The following WDR27 variants were observed in gnomAD, a reference collection of about 807,000 sequenced individuals.
WDR27 encodes WD repeat domain 27.
WDR27 carries 100 observed loss-of-function variants against 114.4 expected under a neutral mutation model. The ratio of observed to expected loss-of-function variants is 0.87; its 90% CI spans 0.74 to 1.03. WDR27 has a LOEUF of 1.03. Ranked by LOEUF, WDR27 falls within the 50% of genes least tolerant of loss-of-function variation. WDR27 has a pLI of 0.00. For missense variants in WDR27, 1,129 were observed against 1,092.9 expected (o/e 1.03, Z -0.47); for synonymous variants, 449 against 423.1 (o/e 1.06, Z -0.75).
chr6:169,645,749 T>TCACAGGGTCA (rs1452486433), intron 16 of WDR27, among the ~76,000 whole-genome samples: 1 of 148,900 alleles, frequency 6.7e-6, no homozygotes, highest in Non-Finnish European at 1.5e-5. Context: ...AAAGCCTAGT[T>TCACAGGGTCA]CACAGGGTCA....
intron 2 of WDR27, among the ~76,000 whole-genome samples, chr6:169,679,456 A>C (rs979170200): frequency 2.0e-5 from 3 of 152,218 alleles, no homozygotes; most frequent in Non-Finnish European, 4.4e-5. Flanking sequence ...GTCCCCTGCA[A>C]ATCTCATGTG....
intron 21 of WDR27, among the ~76,000 whole-genome samples, chr6:169,626,687 A>G (rs1814938753): frequency 6.6e-6 from 1 of 152,154 alleles, no homozygotes; most frequent in South Asian, 2.1e-4. Flanking sequence ...ATACACTCAC[A>G]CCACGTCCGT....
At chr6:169,699,196 G>A (rs541740931) in intron 1 of WDR27, among the ~76,000 whole-genome samples, 29 of 152,276 alleles carry the variant, frequency 1.9e-4, no homozygotes, top group Non-Finnish European at 3.7e-4. Flanking sequence ...GTGTGCAAGC[G>A]GAATGGACAC....
At chr6:169,525,531 A>C (rs1254495745) in intron 25 of WDR27, among the ~76,000 whole-genome samples, 1 of 123,470 alleles carries the variant, frequency 8.1e-6, no homozygotes, top group Admixed American at 8.0e-5. Flanking sequence ...GCAAGACTCC[A>C]TCTCAAAAAA....
chr6:169,438,212 C>T, the WDR27 span, among the ~76,000 whole-genome samples: 1 of 149,838 alleles, frequency 6.7e-6, no homozygotes, highest in African/African-American at 2.5e-5. Flanking sequence ...CAGGCAATTT[C>T]ACGTGTTTTT....
In WDR27 at chr6:169,643,799, T is replaced by C. The variant is rs1819772658; in HGVS notation, c.1658-13A>G. On this transcript the variant is annotated splice_polypyrimidine_tract_variant and intron_variant, in intron 16 of 25. Transcript: ENST00000448612. The stretch of plus-strand genomic sequence containing the variant: ...CACTGCCCATCTCCTGTTAAAAGAA[T>C]TTTAAAAAAAGACTTCTTAGAAAAG... 2 of 1,604,442 alleles carry C rather than the reference T, an allele frequency of 1.2e-6. No homozygotes were observed. Among genetic ancestry groups the C allele is most frequent in the Admixed American group, 1.7e-5 (1 of 58,378 alleles).
Position 169,580,221 on chromosome 6 carries a change from A to G in WDR27, c.2523+2615T>C, listed in dbSNP as rs573096184. Among the ~76,000 whole-genome samples the G allele has an allele frequency of 6.6e-5, 10 of 152,346 alleles. No individual in the cohort carries two copies. In the South Asian group the frequency reaches 1.9e-3, roughly 28 times the overall value. ...ACTATCTTTCCTTCAAAACAGCAGC[A>G]CCCTCATATACCGCTAAATGGAATC... On this transcript the variant is annotated intron_variant, in intron 24 of 25. Transcript: ENST00000448612.
At chr6:169,578,684 C>T (rs1418203935) in intron 24 of WDR27, among the ~76,000 whole-genome samples, 2 of 152,136 alleles carry the variant, frequency 1.3e-5, no homozygotes, top group East Asian at 3.9e-4. Flanking sequence ...GCAAACAAAG[C>T]TGCGGACAAG....
At chr6:169,554,019 CT>C (rs1798539995) in intron 25 of WDR27, among the ~76,000 whole-genome samples, 1 of 152,272 alleles carries the variant, frequency 6.6e-6, no homozygotes, top group South Asian at 2.1e-4. Context: ...TTTTAAGTCA[CT>C]TTTTTTAGTG....
intron 25 of WDR27, among the ~76,000 whole-genome samples, chr6:169,467,378 C>G (rs931138333): frequency 4.6e-5 from 7 of 152,182 alleles, no homozygotes; most frequent in Non-Finnish European, 8.8e-5. Context: ...TCTGCACTGT[C>G]CTAGTAGGGG....
intron 25 of WDR27, among the ~76,000 whole-genome samples, chr6:169,497,973 T>A (rs1405569428): frequency 6.6e-6 from 1 of 152,164 alleles, no homozygotes; most frequent in Non-Finnish European, 1.5e-5. Context: ...CATAACAGCA[T>A]CATTCACAAT....
chr6:169,658,966 C>T (rs1164716606), intron 12 of WDR27, 120 bp downstream of exon 12: 8 of 1,370,362 alleles, frequency 5.8e-6, no homozygotes, highest in African/African-American at 1.5e-5. Context: ...GGATTATAGG[C>T]GTGAGCCACC....
At chr6:169,563,640 C>G (rs1250092277) in intron 25 of WDR27, among the ~76,000 whole-genome samples, 1 of 152,068 alleles carries the variant, frequency 6.6e-6, no homozygotes, top group Non-Finnish European at 1.5e-5. Context: ...CCACAGCCGT[C>G]TCTTCTGCTT....
intron 1 of WDR27, 29 bp from the exon 2 acceptor site, chr6:169,689,041 C>T: frequency 6.6e-7 from 1 of 1,515,446 alleles, no homozygotes; most frequent in South Asian, 1.3e-5. Flanking sequence ...TATAAGATGA[C>T]TATAGGTATC....
rs1374306613 is a variant in WDR27, at chr6:169,668,021, T to G, written c.621A>C (p.Ala207=). 6.2e-7 allele frequency: 1 copy of G among 1,613,936 alleles called. No individual in the cohort carries two copies. Among genetic ancestry groups the G allele is most frequent in the Admixed American group, 1.7e-5 (1 of 60,030 alleles). The change falls in exon 5 of 26, where the codon GCA becomes GCC. Residue 207 remains alanine, a synonymous_variant. Transcript: ENST00000448612. ...CCTCAGACGCCGAGATGAGGGTGCC[T>G]GCTCGCCAGGGACAGAACTCCACCG... The part of the protein sequence containing the change: ...VTAVEFCPWR[A]GTLISASEDR...
Position 169,659,504 on chromosome 6 carries a change from T to C in WDR27, c.1144A>G (p.Ser382Gly). Residue 382 changes from serine (S) to glycine (G), a missense_variant, in exon 11 of 26, where the codon AGC becomes GGC. Coordinates refer to ENST00000448612, the MANE Select transcript of WDR27 (RefSeq NM_182552.5). This position sits in a 1 kb window ranked among gnomAD's most constrained non-coding sequence, Gnocchi z 4.3. Reference protein sequence around the residue: ...ALYYKDFQSLSILLAGSCALR... With the variant: ...ALYYKDFQSLGILLAGSCALR... Reference sequence around the variant, plus strand: ...GCACACGATCCGGCCAGCAGGATGCTGAGGCTCTGGAAATCTTCAGTTGAG... The same window carrying C: ...GCACACGATCCGGCCAGCAGGATGCCGAGGCTCTGGAAATCTTCAGTTGAG... The C allele has an allele frequency of 1.2e-6, 2 of 1,609,798 alleles. No homozygotes were observed. The highest frequency in any genetic ancestry group is 8.5e-7 in the Non-Finnish European group (1 of 1,178,174).
chr6:169,642,997 C>G (rs1357305816), intron 17 of WDR27, among the ~76,000 whole-genome samples: 1 of 152,162 alleles, frequency 6.6e-6, no homozygotes, highest in East Asian at 1.9e-4. Flanking sequence ...ACGAGCATCT[C>G]CTTGATGTTA....
intron 21 of WDR27, among the ~76,000 whole-genome samples, chr6:169,620,981 T>G (rs948559404): frequency 1.3e-5 from 2 of 152,190 alleles, no homozygotes; most frequent in African/African-American, 4.8e-5. Context: ...TGACCTTGTG[T>G]AATACACGTG....
At chr6:169,561,445 G>A (rs1050764757) in intron 25 of WDR27, among the ~76,000 whole-genome samples, 7 of 152,182 alleles carry the variant, frequency 4.6e-5, no homozygotes, top group African/African-American at 1.7e-4. Flanking sequence ...CCAGCCTGGA[G>A]AGGAGAAATG....
Sources: gnomAD v4.1 joint callset for allele counts (sites outside exome capture counted in the v4.1 genomes callset) on GRCh38, gnomAD v4.1.1 for gene constraint, Gnocchi (gnomAD v3.1) non-coding constraint, MANE v1.5 for transcripts, NCBI Gene and HGNC (gene_info 2026-07-23, HGNC 2026-07-21) for gene names.